The following NEB variants were observed in gnomAD, a reference collection of about 807,000 sequenced individuals.
NEB encodes the protein nemaline myopathy type 2.
Under a neutral mutation model 952.2 loss-of-function variants are expected in NEB, and 512 were observed. That is an observed-to-expected ratio of 0.54 (90% CI 0.50 to 0.58). The LOEUF (loss-of-function observed/expected upper bound fraction) is 0.58, where lower values mean the gene tolerates loss of function less well. NEB is among the 20% of genes least tolerant of loss of function. The pLI, the probability that NEB is intolerant of heterozygous loss-of-function variation, is 0.00. For synonymous variants in NEB, 2,900 were observed against 3,149.8 expected, an observed-to-expected ratio of 0.92 and a Z score of 2.66; for missense variants, 8,428 against 9,231.1, an observed-to-expected ratio of 0.91 and a Z score of 3.56.
In NEB at chr2:151,506,207, C is replaced by T. The variant is rs1559338128; in HGVS notation, c.23608G>A (p.Glu7870Lys). Reference protein sequence around the residue: ...SPGTAIGKTPEMMRVKQTQDH... With the variant: ...SPGTAIGKTPKMMRVKQTQDH... ...TGTGTTTGTTTCACTCTCATCATCT[C>T]AGGTGTCTTTCCGATAGCCGTTCCT... is the stretch of plus-strand genomic sequence containing the variant. The change falls in exon 164 of 182, where the codon GAG becomes AAG. Residue 7870 changes from glutamate (E) to lysine (K), a missense_variant. Glu to Lys is a moderately conservative substitution (Grantham distance 56). This residue lies in a region of NEB where 3,374 missense variants were observed against 3,651.5 expected (regional missense o/e 0.92). Coordinates refer to ENST00000397345, the MANE Select transcript of NEB (RefSeq NM_001164508.2). 1 of 1,613,810 alleles carries T rather than the reference C, an allele frequency of 6.2e-7. No individual in the cohort carries two copies. Among genetic ancestry groups the T allele is most frequent in the Non-Finnish European group, 8.5e-7 (1 of 1,179,690 alleles).
rs150518285 is a variant in NEB at position 151,720,001 on chromosome 2, G to A, written c.718-2481C>T. Among the ~76,000 whole-genome samples the A allele has an allele frequency of 2.7e-3, 412 of 151,908 alleles. 2 individuals carry two copies. Among genetic ancestry groups the A allele is most frequent in the African/African-American group, 9.6e-3 (398 of 41,458 alleles). Reference sequence around the variant, plus strand: ...AAAGCAACATTTGAATAGGATAAATGTTTATTAAGTATGACATCCTGCCAA... The same window carrying A: ...AAAGCAACATTTGAATAGGATAAATATTTATTAAGTATGACATCCTGCCAA... On this transcript the variant is annotated intron_variant, in intron 9 of 181. Transcript: ENST00000397345.
chr2:151,679,787 T>A lies in NEB; in HGVS notation c.3189A>T (p.Gly1063=), dbSNP rs2099401051. ...GAATCGCATCAGTTCTCAGGTCATA[T>A]CCCTTCTTGCTCAAGTCTTTCAAGT... ...KADLKDLSKK[G]YDLRTDAIPI... Residue 1063 remains glycine, a synonymous_variant, in exon 32 of 182, where the codon GGA becomes GGT. Coordinates refer to ENST00000397345, the MANE Select transcript of NEB (RefSeq NM_001164508.2). 1 of 1,613,612 alleles carries A rather than the reference T, an allele frequency of 6.2e-7. No individual in the cohort carries two copies. Among genetic ancestry groups the A allele is most frequent in the Non-Finnish European group, 8.5e-7 (1 of 1,179,748 alleles).
intron 153 of NEB, 42 bp from the exon 154 acceptor site, chr2:151,519,810 A>G (rs2080680159): frequency 3.7e-6 from 5 of 1,344,304 alleles, no homozygotes; most frequent in Middle Eastern, 1.8e-4. Flanking sequence ...CTGGACATCA[A>G]TCAATTTGGG....
intron 178 of NEB, 86 bp from the exon 179 acceptor site, chr2:151,491,861 A>G: frequency 2.6e-6 from 3 of 1,143,856 alleles, no homozygotes; most frequent in Non-Finnish European, 3.8e-6. Context: ...AACAACCACC[A>G]AAGGATTGAA....
intron 113 of NEB, 68 bp downstream of exon 113, chr2:151,568,003 G>C (rs777764662): frequency 8.2e-7 from 1 of 1,219,872 alleles, no homozygotes; most frequent in Non-Finnish European, 1.2e-6. Context: ...CTCTGCCTTT[G>C]GCATAACTGG....
At position 151,639,384 on chromosome 2, in the gene NEB, G is replaced by T; in HGVS notation, c.8890C>A (p.Arg2964Ser). The part of the protein sequence containing the change: ...AKNNAITMNK[R>S]LYTEAWDKDK... ...TTGTCCCAGGCTTCTGTGTATAAAC[G>T]CTATCAAAAAAAATACACAAATTCA... is the stretch of plus-strand genomic sequence containing the variant. The change falls in exon 63 of 182, where the codon CGT (arginine) becomes AGT (serine). Residue 2964 changes from arginine to serine, a missense_variant and splice_region_variant. Physicochemically the swap from Arg to Ser is moderately radical, Grantham distance 110. Transcript: ENST00000397345. 2 of 1,520,690 alleles carry T rather than the reference G, an allele frequency of 1.3e-6. No homozygotes were observed. Among genetic ancestry groups the T allele is most frequent in the Non-Finnish European group, 8.8e-7 (1 of 1,133,708 alleles). The allele number at this position is 1,520,690 out of a possible 1,614,324, so 94.2% of individuals were successfully genotyped here. A position where few individuals can be genotyped will look rare whatever the true frequency, so the allele number is the denominator to read the frequency against.
At chr2:151,619,886 G>T in intron 72 of NEB, 124 bp from the exon 73 acceptor site, 1 of 973,932 alleles carries the variant, frequency 1.0e-6, no homozygotes, top group Non-Finnish European at 1.5e-6. Context: ...TCATGCTGCT[G>T]TAACGCCACA....
chr2:151,644,554 C>T lies in NEB; in HGVS notation c.7558G>A (p.Glu2520Lys), dbSNP rs772018720. Reference sequence around the variant, plus strand: ...TCGTAACCTTTTCTCTTCAGCTCCTCATAACCCATTCGGTAGAGTTTCTGT... The same window carrying T: ...TCGTAACCTTTTCTCTTCAGCTCCTTATAACCCATTCGGTAGAGTTTCTGT... ...TSDKLYRMGY[E>K]ELKRKGYDLP... Residue 2520 changes from glutamate to lysine, a missense_variant, in exon 56 of 182, where the codon GAG becomes AAG. Glu to Lys is a moderately conservative substitution (Grantham distance 56, BLOSUM62 1). This residue lies in a region of NEB where 1,772 missense variants were observed against 1,960.3 expected (regional missense o/e 0.90). Transcript: ENST00000397345. 6.2e-7 allele frequency: 1 copy of T among 1,613,800 alleles called. No individual in the cohort carries two copies. Among genetic ancestry groups the T allele is most frequent in the African/African-American group, 1.3e-5 (1 of 75,056 alleles).
At chr2:151,633,103 G>A (rs777052392) in intron 65 of NEB, among the ~76,000 whole-genome samples, 1 of 152,148 alleles carries the variant, frequency 6.6e-6, no homozygotes, top group South Asian at 2.1e-4. Context: ...CAGGAAATGT[G>A]CCTCTCATAT....
intron 179 of NEB, chr2:151,491,470 G>T: frequency 2.2e-6 from 1 of 450,694 alleles, no homozygotes. Flanking sequence ...TGGGAGACAT[G>T]CACTGAGGCA....
chr2:151,515,280 G>A (rs76262827), intron 157 of NEB, among the ~76,000 whole-genome samples: 2,210 of 152,264 alleles, frequency 0.015, 76 homozygotes, highest in East Asian at 0.14. Context: ...GGTGACAAAA[G>A]ACTTTATTTC....
At chr2:151,659,215 G>A (rs1401141561) in intron 46 of NEB, 46 bp from the exon 47 acceptor site, 1 of 1,282,026 alleles carries the variant, frequency 7.8e-7, no homozygotes, top group Non-Finnish European at 1.1e-6. Context: ...CTTAAAAGAA[G>A]CTCACTTAGT....
At chr2:151,488,081 C>T (rs76810008) in intron 181 of NEB, among the ~76,000 whole-genome samples, 4,511 of 151,930 alleles carry the variant, frequency 0.03, 119 homozygotes, top group East Asian at 0.14. Context: ...TTCTGTTGGC[C>T]ATTTATATTT....
chr2:151,537,803 C>T, intron 140 of NEB, 69 bp downstream of exon 140: 3 of 1,005,980 alleles, frequency 3.0e-6, no homozygotes, highest in Non-Finnish European at 4.1e-6. Flanking sequence ...GTTTTTATGC[C>T]ATGTATGATT....
chr2:151,619,728 C>A lies in NEB; in HGVS notation c.10595G>T (p.Gly3532Val), dbSNP rs2098336077. 1 of 1,613,070 alleles carries A rather than the reference C, an allele frequency of 6.2e-7. No individual in the cohort carries two copies. The highest frequency in any genetic ancestry group is 8.5e-7 in the Non-Finnish European group (1 of 1,179,300). ...TACTGCTCGGGCGCCAATGTGGTGA[C>A]CCAACTGTTTACGATATGCTTCTTT... The part of the protein sequence containing the change: ...KYKEAYRKQL[G>V]HHIGARAVHD... Residue 3532 changes from glycine (G) to valine (V), a missense_variant, in exon 73 of 182, where the codon GGT becomes GTT. By Grantham distance (109) the Gly-to-Val change is moderately radical. Around this residue, in one of 11 missense-constraint regions of NEB, gnomAD observed 1,772 missense variants for 1,960.3 expected, o/e 0.90. Transcript: ENST00000397345.
In NEB at chr2:151,503,002, TAGTA is replaced by T. The variant is rs372739191; in HGVS notation, c.23836-121_23836-118del. 270 of 644,952 alleles carry T rather than the reference TAGTA, an allele frequency of 4.2e-4. 1 individual carries two copies. The African/African-American group carries it at 4.7e-3, about 11-fold the overall frequency. The allele number at this position is 644,952 out of a possible 1,614,324, so 40.0% of individuals were successfully genotyped here. On this transcript the variant is annotated intron_variant, in intron 166 of 181. Transcript: ENST00000397345. The stretch of plus-strand genomic sequence containing the variant: ...AGGCAGTTTTTTAGTAAGTAATATT[TAGTA>T]AGGATAATGTTTTTACTTTTTTCAC...
intron 81 of NEB, among the ~76,000 whole-genome samples, chr2:151,609,104 A>T (rs903112197): frequency 6.6e-6 from 1 of 151,584 alleles, no homozygotes; most frequent in African/African-American, 2.4e-5. Context: ...TGAAGTCGTG[A>T]GTGCTAACAT....
intron 58 of NEB, 107 bp downstream of exon 58, chr2:151,643,043 G>T: frequency 7.7e-7 from 1 of 1,295,044 alleles, no homozygotes; most frequent in Non-Finnish European, 1.1e-6. Flanking sequence ...AACCACATTA[G>T]TACCAAGCAA....
chr2:151,729,606 G>C lies in NEB; in HGVS notation c.78+9C>G, dbSNP rs373141155. The stretch of plus-strand genomic sequence containing the variant: ...AATGCAGTTTATGCAGCTGTGGGCT[G>C]GGCCTTACCTCTCCCGGCACCTCTT... On this transcript the variant is annotated intron_variant, in intron 4 of 181. Transcript: ENST00000397345. 9.3e-6 allele frequency: 15 copies of C among 1,612,936 alleles called. No individual in the cohort carries two copies. Among genetic ancestry groups the C allele is most frequent in the Non-Finnish European group, 1.3e-5 (15 of 1,179,180 alleles).
Sources: allele counts gnomAD v4.1 joint callset (sites outside exome capture counted in the v4.1 genomes callset), GRCh38; gene constraint gnomAD v4.1.1; regional missense constraint gnomAD v4.1.1; transcripts MANE v1.5; gene names NCBI Gene and HGNC (gene_info 2026-07-23, HGNC 2026-07-21).